S100P: variants seen among roughly 807,000 people sequenced by gnomAD.
S100P encodes the protein protein S100-P.
Under a neutral mutation model 4.7 loss-of-function variants are expected in S100P, and 7 were observed. The ratio of observed to expected loss-of-function variants is 1.48; its 90% CI spans 0.84 to 2.77. S100P has a LOEUF of 2.77. Among genes scored for constraint, S100P ranks in the 30% most tolerant of loss-of-function variants. The probability of loss-of-function intolerance (pLI) is 0.00; values close to 1 mark genes in which losing one functional copy is unlikely to be tolerated. For missense variants in S100P, 122 were observed against 120.6 expected (o/e 1.01, Z -0.06); for synonymous variants, 48 against 49.0 (o/e 0.98, Z 0.08).
Position 6,694,012 on chromosome 4 carries a change from C to T in S100P, c.80C>T (p.Thr27Ile), listed in dbSNP as rs146198118. 36 of 1,614,030 alleles carry T rather than the reference C, an allele frequency of 2.2e-5. No homozygotes were observed. The African/African-American group carries it at 4.1e-4, about 19-fold the overall frequency. The part of the protein sequence containing the change: ...RYSGSEGSTQ[T>I]LTKGELKVLM... ...TCGGGCAGCGAGGGCAGCACGCAGACCCTGACCAAGGGGGAGCTCAAGGTG... is the reference window on the plus strand; with the variant it reads ...TCGGGCAGCGAGGGCAGCACGCAGATCCTGACCAAGGGGGAGCTCAAGGTG... The change falls in exon 1 of 2, where the codon ACC becomes ATC. Residue 27 changes from threonine to isoleucine, a missense_variant. Coordinates refer to ENST00000296370, the MANE Select transcript of S100P (RefSeq NM_005980.3).
chr4:6,697,107 G>T lies in S100P; in HGVS notation c.*65G>T. The T allele has an allele frequency of 1.5e-6, 2 of 1,376,128 alleles. No individual in the cohort carries two copies. Among genetic ancestry groups the T allele is most frequent in the South Asian group, 1.3e-5 (1 of 76,834 alleles). The allele number at this position is 1,376,128 out of a possible 1,614,324, so 85.2% of individuals were successfully genotyped here. On this transcript the variant is annotated 3_prime_UTR_variant, in exon 2 of 2. Coordinates refer to ENST00000296370, the MANE Select transcript of S100P (RefSeq NM_005980.3). ...CCCAGGCTTCCCAAAAGTGTTTGTTGGCAATTATTCCCCTAGGCTGAGCCT... is the reference window on the plus strand; with the variant it reads ...CCCAGGCTTCCCAAAAGTGTTTGTTTGCAATTATTCCCCTAGGCTGAGCCT...
intron 1 of S100P, among the ~76,000 whole-genome samples, chr4:6,694,375 G>T (rs1714317963): frequency 6.6e-6 from 1 of 152,218 alleles, no homozygotes; most frequent in South Asian, 2.1e-4. Flanking sequence ...GTGCAGTGGG[G>T]GCAGGGGCGG....
rs758463696 is a variant in S100P, at chr4:6,693,966, A to G, written c.34A>G (p.Ile12Val). The G allele has an allele frequency of 1.9e-6, 3 of 1,614,202 alleles. No individual in the cohort carries two copies. Among genetic ancestry groups the G allele is most frequent in the Non-Finnish European group, 2.5e-6 (3 of 1,180,034 alleles). ...ACTAGAGACAGCCATGGGCATGATC[A>G]TAGACGTCTTTTCCCGATATTCGGG... Reference protein sequence around the residue: ...TELETAMGMIIDVFSRYSGSE... With the variant: ...TELETAMGMIVDVFSRYSGSE... The change falls in exon 1 of 2, where the codon ATA becomes GTA. Residue 12 changes from isoleucine to valine, a missense_variant. Transcript: ENST00000296370.
intron 1 of S100P, among the ~76,000 whole-genome samples, chr4:6,695,548 C>T (rs906243552): frequency 2.6e-5 from 4 of 152,142 alleles, no homozygotes; most frequent in Non-Finnish European, 4.4e-5. Context: ...GCTTGGGGCT[C>T]GGGGTGTTCT....
intron 1 of S100P, among the ~76,000 whole-genome samples, chr4:6,695,668 G>C (rs1714355778): frequency 1.3e-5 from 2 of 152,306 alleles, no homozygotes; most frequent in Admixed American, 1.3e-4. Flanking sequence ...GAGAAGCAAT[G>C]GCAAAGCTGG....
chr4:6,694,926 A>G (rs1714332993), intron 1 of S100P, among the ~76,000 whole-genome samples: 1 of 151,694 alleles, frequency 6.6e-6, no homozygotes, highest in Non-Finnish European at 1.5e-5. Context: ...CTTCAAAGAC[A>G]TGAAACACTT....
Position 6,696,769 on chromosome 4 carries a change from G to C in S100P, c.139-124G>C, listed in dbSNP as rs1187173247. The C allele has an allele frequency of 1.5e-4, 16 of 103,300 alleles. No homozygotes were observed. The East Asian group carries it at 2.1e-3, about 14-fold the overall frequency. 6.4% of individuals were successfully genotyped at this position (103,300 alleles called of 1,614,324 possible). ...GTGTCTGCTATGCACAGCTGGCCCT[G>C]GCCCTGACAGCAAAGGTGACGCAGA... On this transcript the variant is annotated intron_variant, in intron 1 of 1. Transcript: ENST00000296370.
intron 1 of S100P, 118 bp downstream of exon 1, chr4:6,694,188 G>T: frequency 2.0e-6 from 2 of 984,734 alleles, no homozygotes; most frequent in Non-Finnish European, 2.9e-6. Flanking sequence ...GAGGCAAGAG[G>T]GACAGATCCT....
intron 1 of S100P, among the ~76,000 whole-genome samples, chr4:6,696,429 C>T (rs958894098): frequency 1.3e-5 from 2 of 152,184 alleles, no homozygotes; most frequent in African/African-American, 2.4e-5. Flanking sequence ...TGTAACAGGG[C>T]GATGCCTCTG....
chr4:6,696,112 C>T (rs1212893143), intron 1 of S100P, among the ~76,000 whole-genome samples: 1 of 152,240 alleles, frequency 6.6e-6, no homozygotes, highest in Non-Finnish European at 1.5e-5. Flanking sequence ...CCTGGACACA[C>T]AGCTCTCTGG....
intron 1 of S100P, among the ~76,000 whole-genome samples, chr4:6,696,150 G>A (rs898520048): frequency 4.6e-5 from 7 of 152,208 alleles, no homozygotes; most frequent in Non-Finnish European, 7.3e-5. Flanking sequence ...AGCACACCCT[G>A]CTGCTGCTGT....
intron 1 of S100P, among the ~76,000 whole-genome samples, chr4:6,696,642 G>A (rs747077870): frequency 1.3e-5 from 2 of 152,212 alleles, no homozygotes; most frequent in African/African-American, 2.4e-5. Flanking sequence ...ACTCCCTCTC[G>A]CAGAGCACAA....
intron 1 of S100P, among the ~76,000 whole-genome samples, chr4:6,695,831 C>T (rs1714360362): frequency 6.6e-6 from 1 of 152,096 alleles, no homozygotes; most frequent in South Asian, 2.1e-4. Context: ...GGCCTTCTGG[C>T]CCTATCTGCT....
At chr4:6,695,749 G>A (rs1366882997) in intron 1 of S100P, among the ~76,000 whole-genome samples, 4 of 152,188 alleles carry the variant, frequency 2.6e-5, no homozygotes, top group Admixed American at 1.3e-4. Context: ...CCCTCCCTCC[G>A]GAGGCTGCTG....
rs762410281 is a variant in S100P at position 6,694,044 on chromosome 4, G to C, written c.112G>C (p.Glu38Gln). The change falls in exon 1 of 2, where the codon GAG becomes CAG. Residue 38 changes from glutamate to glutamine, a missense_variant. Glu to Gln is a conservative substitution (Grantham distance 29). Coordinates refer to ENST00000296370, the MANE Select transcript of S100P (RefSeq NM_005980.3). The stretch of plus-strand genomic sequence containing the variant: ...CAAGGGGGAGCTCAAGGTGCTGATG[G>C]AGAAGGAGCTACCAGGCTTCCTGCA... ...LTKGELKVLM[E>Q]KELPGFLQSG... is the part of the protein sequence containing the mutation. 1 of 1,613,208 alleles carries C rather than the reference G, an allele frequency of 6.2e-7. No individual in the cohort carries two copies. Among genetic ancestry groups the C allele is most frequent in the South Asian group, 1.1e-5 (1 of 91,044 alleles).
At chr4:6,694,468 G>A (rs1436637784) in intron 1 of S100P, among the ~76,000 whole-genome samples, 2 of 152,208 alleles carry the variant, frequency 1.3e-5, no homozygotes, top group Non-Finnish European at 2.9e-5. Context: ...AAGGCTGCCG[G>A]CCATAAACGC....
At chr4:6,696,380 G>A (rs1377242654) in intron 1 of S100P, among the ~76,000 whole-genome samples, 1 of 152,198 alleles carries the variant, frequency 6.6e-6, no homozygotes. Context: ...TGACTTCAGG[G>A]CAGGTCCCTT....
chr4:6,694,183 A>T (rs1462101299), intron 1 of S100P, 113 bp downstream of exon 1: 5 of 1,017,112 alleles, frequency 4.9e-6, no homozygotes, highest in African/African-American at 1.6e-5. Flanking sequence ...GCTCAGAGGC[A>T]AGAGGGACAG....
At chr4:6,696,371 G>T (rs147876158) in intron 1 of S100P, among the ~76,000 whole-genome samples, 1 of 152,200 alleles carries the variant, frequency 6.6e-6, no homozygotes, top group Non-Finnish European at 1.5e-5. Context: ...CTCCCTGTGT[G>T]ACTTCAGGGC....
Sources: gnomAD v4.1 joint callset for allele counts (sites outside exome capture counted in the v4.1 genomes callset) on GRCh38, gnomAD v4.1.1 for gene constraint, MANE v1.5 for transcripts, NCBI Gene and HGNC (gene_info 2026-07-23, HGNC 2026-07-21) for gene names.